The following IL1RAPL1 variants were observed in gnomAD, a reference collection of about 807,000 sequenced individuals.
IL1RAPL1 encodes interleukin-1 receptor accessory protein-like 1.
Under a neutral mutation model 48.4 loss-of-function variants are expected in IL1RAPL1, and 3 were observed. The observed-to-expected ratio is 0.06, with a 90% confidence interval of 0.03 to 0.16. The LOEUF (loss-of-function observed/expected upper bound fraction) is 0.16, where lower values mean the gene tolerates loss of function less well. Ranked by LOEUF, IL1RAPL1 falls within the 10% of genes least tolerant of loss-of-function variation. IL1RAPL1 has a pLI of 1.00. For synonymous variants in IL1RAPL1, 185 were observed against 187.7 expected (o/e 0.99, Z 0.12); for missense variants, 349 against 530.6 (o/e 0.66, Z 3.36).
Position 28,911,419 on chromosome X carries a change from A to G in IL1RAPL1, c.82+121994A>G, listed in dbSNP as rs192980781. On this transcript the variant is annotated intron_variant, in intron 2 of 10. Coordinates refer to ENST00000378993, the MANE Select transcript of IL1RAPL1 (RefSeq NM_014271.4). ...ATAATTCATTTGACATGAAGCAAGG[A>G]GGGGCGGTGTGTCCTACATGCTCTG... Among the ~76,000 whole-genome samples, 532 of 111,084 alleles carry G rather than the reference A, an allele frequency of 4.8e-3. 4 individuals carry two copies. The highest frequency in any genetic ancestry group is 0.016 in the African/African-American group (502 of 30,657).
intron 6 of IL1RAPL1, among the ~76,000 whole-genome samples, chrX:29,797,716 C>G (rs1929776698): frequency 9.1e-6 from 1 of 110,358 alleles, no homozygotes; most frequent in Non-Finnish European, 1.9e-5. Context: ...CTACCAAAAA[C>G]CCAAAAATTA....
intron 2 of IL1RAPL1, among the ~76,000 whole-genome samples, chrX:28,925,431 T>A (rs1923716745): frequency 9.0e-6 from 1 of 111,687 alleles, no homozygotes; most frequent in Non-Finnish European, 1.9e-5. Flanking sequence ...ACATATCAAC[T>A]TTTACTGTTG....
chrX:28,687,419 T>C (rs376508615), intron 1 of IL1RAPL1, among the ~76,000 whole-genome samples: 8 of 112,395 alleles, frequency 7.1e-5, no homozygotes, highest in African/African-American at 2.3e-4. Context: ...CTTTATATTT[T>C]GTAGAACAAC....
chrX:29,727,191 C>T (rs1927795118), intron 6 of IL1RAPL1, among the ~76,000 whole-genome samples: 1 of 112,197 alleles, frequency 8.9e-6, no homozygotes, highest in African/African-American at 3.2e-5. Flanking sequence ...GAATTTATCT[C>T]TGTTCACATT....
At chrX:28,861,240 C>T (rs765347382) in intron 2 of IL1RAPL1, among the ~76,000 whole-genome samples, 7 of 111,609 alleles carry the variant, frequency 6.3e-5, no homozygotes, top group African/African-American at 2.0e-4. Context: ...TGATGACAAT[C>T]GATCAGTCTG....
chrX:29,411,344 T>G (rs1371229672), intron 5 of IL1RAPL1, among the ~76,000 whole-genome samples: 3 of 112,452 alleles, frequency 2.7e-5, no homozygotes, highest in African/African-American at 6.5e-5. Context: ...TTGATGCCTG[T>G]GTGAGAGCAT....
intron 6 of IL1RAPL1, among the ~76,000 whole-genome samples, chrX:29,802,789 GTGTATATATATATATATATA>G (rs1370512988): frequency 1.7e-3 from 44 of 26,123 alleles, no homozygotes; most frequent in African/African-American, 6.8e-3. Context: ...ATATGTGTGT[GTGTATATATATATATATATA>G]TGTGTGTATA....
chrX:29,096,520 G>A (rs1500732), intron 2 of IL1RAPL1, among the ~76,000 whole-genome samples: 23,078 of 109,932 alleles, frequency 0.21, 2,118 homozygotes, highest in African/African-American at 0.35. Flanking sequence ...TTGTTTAGAT[G>A]GAAACCCAGG....
intron 2 of IL1RAPL1, among the ~76,000 whole-genome samples, chrX:29,072,838 CTAGACCTTCTTT>C (rs1450972208): frequency 8.9e-6 from 1 of 111,816 alleles, no homozygotes; most frequent in African/African-American, 3.3e-5. Context: ...TTCAAGGTTG[CTAGACCTTCTTT>C]TAGACCTTCT....
At chrX:29,403,527 T>G (rs1448846976) in intron 5 of IL1RAPL1, among the ~76,000 whole-genome samples, 1 of 111,570 alleles carries the variant, frequency 9.0e-6, no homozygotes, top group African/African-American at 3.3e-5. Flanking sequence ...ATGTTGAGAG[T>G]ACTCATTGCT....
intron 6 of IL1RAPL1, among the ~76,000 whole-genome samples, chrX:29,713,532 G>A (rs1263856413): frequency 9.0e-6 from 1 of 111,672 alleles, no homozygotes; most frequent in Non-Finnish European, 1.9e-5. Flanking sequence ...CTGGGAATTT[G>A]TTAAAAATGC....
At chrX:29,457,237 T>A (rs1054671180) in intron 5 of IL1RAPL1, among the ~76,000 whole-genome samples, 3 of 110,374 alleles carry the variant, frequency 2.7e-5, no homozygotes, top group Non-Finnish European at 5.7e-5. Flanking sequence ...TTTTTTTTCT[T>A]TAACTTTTAT....
At chrX:29,925,473 T>TA (rs1387231595) in intron 8 of IL1RAPL1, among the ~76,000 whole-genome samples, 1 of 93,184 alleles carries the variant, frequency 1.1e-5, no homozygotes, top group African/African-American at 3.9e-5. Context: ...TGCTCATTTG[T>TA]ATAAGACGTC....
intron 6 of IL1RAPL1, among the ~76,000 whole-genome samples, chrX:29,755,484 A>T (rs1181232423): frequency 9.0e-6 from 1 of 111,107 alleles, no homozygotes; most frequent in Non-Finnish European, 1.9e-5. Flanking sequence ...GAAGTTGGTT[A>T]CTCCTTTCTT....
chrX:29,714,357 G>A (rs1028966131), intron 6 of IL1RAPL1, among the ~76,000 whole-genome samples: 2 of 112,010 alleles, frequency 1.8e-5, no homozygotes, highest in African/African-American at 6.5e-5. Context: ...ATTTGGGGTA[G>A]TTAGAAATCA....
At chrX:28,891,321 A>T (rs963039849) in intron 2 of IL1RAPL1, among the ~76,000 whole-genome samples, 3 of 112,254 alleles carry the variant, frequency 2.7e-5, no homozygotes, top group African/African-American at 9.7e-5. Context: ...TAAAAATAAT[A>T]TATAATTCAC....
intron 1 of IL1RAPL1, among the ~76,000 whole-genome samples, chrX:28,641,062 A>T (rs1179023787): frequency 3.9e-5 from 4 of 101,456 alleles, no homozygotes; most frequent in African/African-American, 7.2e-5. Context: ...GAAATGTAGG[A>T]TTTTTTTTTT....
intron 5 of IL1RAPL1, among the ~76,000 whole-genome samples, chrX:29,564,415 G>A (rs1602299875): frequency 8.9e-6 from 1 of 112,969 alleles, no homozygotes; most frequent in Middle Eastern, 4.6e-3. Context: ...TGAGGAAAAT[G>A]ATGTGGCAGG....
chrX:29,853,191 T>C (rs12008152), intron 6 of IL1RAPL1, among the ~76,000 whole-genome samples: 1 of 88,073 alleles, frequency 1.1e-5, no homozygotes, highest in Non-Finnish European at 2.3e-5. Flanking sequence ...ATTATGGCTT[T>C]AAAAAAAAAA....
Sources: gnomAD v4.1 joint callset for allele counts (sites outside exome capture counted in the v4.1 genomes callset) on GRCh38, gnomAD v4.1.1 for gene constraint, MANE v1.5 for transcripts, NCBI Gene and HGNC (gene_info 2026-07-23, HGNC 2026-07-21) for gene names.